HDAC9: variants seen among roughly 807,000 people sequenced by gnomAD.
The protein encoded by HDAC9 is MEF-2 interacting transcription repressor (MITR) protein.
Under a neutral mutation model 139.4 loss-of-function variants are expected in HDAC9, and 41 were observed. That is an observed-to-expected ratio of 0.29 (90% CI 0.23 to 0.38). The LOEUF (loss-of-function observed/expected upper bound fraction) is 0.38. Ranked by LOEUF, HDAC9 falls within the 10% of genes least tolerant of loss-of-function variation. HDAC9 has a pLI of 1.00. For synonymous variants in HDAC9, 517 were observed against 476.2 expected (o/e 1.09, Z -1.12); for missense variants, 1,147 against 1,297.0 (o/e 0.88, Z 1.78).
intron 21 of HDAC9, among the ~76,000 whole-genome samples, chr7:18,859,850 A>ATGTGTGTGTGTGTGTGTGTG (rs1157775071): frequency 8.1e-6 from 1 of 123,418 alleles, no homozygotes; most frequent in Non-Finnish European, 1.7e-5. Flanking sequence ...ATATATATAT[A>ATGTGTGTGTGTGTGTGTGTG]TATATATATG....
intron 24 of HDAC9, among the ~76,000 whole-genome samples, chr7:18,955,411 T>G (rs1423827659): frequency 6.6e-6 from 1 of 152,150 alleles, no homozygotes; most frequent in Non-Finnish European, 1.5e-5. Context: ...CCACATGCAA[T>G]CCAATGTATG....
At chr7:18,287,720 A>G (rs1797544440), upstream of HDAC9, among the ~76,000 whole-genome samples, 1 of 152,180 alleles carries the variant, frequency 6.6e-6, no homozygotes, top group South Asian at 2.1e-4. Flanking sequence ...CTGACTCCCA[A>G]AGCCAGCTGT....
Position 18,998,880 on chromosome 7 carries a change from G to A in HDAC9, c.*2818G>A, listed in dbSNP as rs544568159. 85 of 152,192 alleles carry A rather than the reference G, an allele frequency of 5.6e-4. 2 individuals are homozygous for A. The highest frequency in any genetic ancestry group is 3.4e-3 in the Middle Eastern group (1 of 294). The allele number at this position is 152,192 out of a possible 1,614,324, so 9.4% of individuals were successfully genotyped here. ...CTAGGAATTTAATAAGCTGTCAAAC[G>A]TAGGTATAAAAAGAAGGCTTAAAAA... On this transcript the variant is annotated 3_prime_UTR_variant, in exon 26 of 26. Coordinates refer to ENST00000686413, the MANE Select transcript of HDAC9 (RefSeq NM_178425.4).
In HDAC9 at chr7:18,415,835, T is replaced by G. The variant is rs113583410; in HGVS notation, c.-41-80427T>G. Among the ~76,000 whole-genome samples, 292 of 152,338 alleles carry G rather than the reference T, an allele frequency of 1.9e-3. 2 individuals are homozygous for G. The highest frequency in any genetic ancestry group is 6.4e-3 in the African/African-American group (267 of 41,578). ...GATTTCAAGTATGGGATTACTATTG[T>G]TATATCTTTACTGTATTCTTGCTCT... On this transcript the variant is annotated intron_variant, in intron 1 of 3. Coordinates refer to the HDAC9 transcript ENST00000413509.
chr7:18,926,790 C>T (rs1487419534), intron 22 of HDAC9, among the ~76,000 whole-genome samples: 2 of 152,056 alleles, frequency 1.3e-5, no homozygotes, highest in Non-Finnish European at 2.9e-5. Context: ...TTTTAGGATA[C>T]AATTTATTCA....
intron 1 of HDAC9, among the ~76,000 whole-genome samples, chr7:18,154,826 G>A (rs1787057035): frequency 6.6e-6 from 1 of 152,160 alleles, no homozygotes; most frequent in African/African-American, 2.4e-5. Context: ...TTTGTGTTTG[G>A]CTAGCTGATC....
intron 24 of HDAC9, among the ~76,000 whole-genome samples, chr7:18,956,810 A>G (rs1783185654): frequency 6.6e-6 from 1 of 152,158 alleles, no homozygotes; most frequent in South Asian, 2.1e-4. Flanking sequence ...TACGTGACTC[A>G]ATTCAGGCCA....
intron 1 of HDAC9, among the ~76,000 whole-genome samples, chr7:18,298,918 G>A (rs990373656): frequency 1.3e-5 from 2 of 152,164 alleles, no homozygotes; most frequent in East Asian, 3.9e-4. Flanking sequence ...CGAAAACCCA[G>A]TAAGTAGGAG....
intron 12 of HDAC9, among the ~76,000 whole-genome samples, chr7:18,722,809 A>C (rs1381196058): frequency 6.6e-6 from 1 of 152,184 alleles, no homozygotes; most frequent in Non-Finnish European, 1.5e-5. Context: ...TCTCTCTTCT[A>C]TAGTCCTATT....
intron 24 of HDAC9, among the ~76,000 whole-genome samples, chr7:18,972,232 T>A (rs988663194): frequency 1.4e-4 from 21 of 152,220 alleles, no homozygotes; most frequent in African/African-American, 5.1e-4. Flanking sequence ...AATAAAACTT[T>A]CATAGCATTA....
intron 22 of HDAC9, among the ~76,000 whole-genome samples, chr7:18,879,571 C>T (rs930230222): frequency 6.6e-6 from 1 of 152,104 alleles, no homozygotes; most frequent in African/African-American, 2.4e-5. Context: ...AGAAGACTCC[C>T]TATTCAATAA....
At chr7:18,283,639 G>A (rs1466610297) in intron 2 of HDAC9, among the ~76,000 whole-genome samples, 1 of 152,082 alleles carries the variant, frequency 6.6e-6, no homozygotes, top group Non-Finnish European at 1.5e-5. Context: ...CTAAAGGTTT[G>A]CATTTCATTT....
At chr7:18,162,204 A>C (rs2128127460) in intron 1 of HDAC9, 1 of 835,006 alleles carries the variant, frequency 1.2e-6, no homozygotes, top group South Asian at 1.5e-5. Context: ...TGTATCTTAA[A>C]CACTGCATTT....
intron 1 of HDAC9, among the ~76,000 whole-genome samples, chr7:18,101,078 G>A (rs1240506425): frequency 6.6e-6 from 1 of 152,040 alleles, no homozygotes; most frequent in Non-Finnish European, 1.5e-5. Context: ...TCCTAACTTT[G>A]GGTTGTTTTC....
chr7:18,813,885 C>G (rs143712917), intron 17 of HDAC9, among the ~76,000 whole-genome samples: 97 of 152,322 alleles, frequency 6.4e-4, no homozygotes, highest in Non-Finnish European at 1.1e-3. Flanking sequence ...AGCTAGTTGT[C>G]TGGTCTATGG....
intron 1 of HDAC9, among the ~76,000 whole-genome samples, chr7:18,297,243 A>C (rs1164674131): frequency 6.6e-6 from 1 of 152,162 alleles, no homozygotes; most frequent in African/African-American, 2.4e-5. Context: ...TTATTTAAAA[A>C]CTTTTTTATT....
At chr7:18,128,386 G>T (rs1206558981) in intron 1 of HDAC9, among the ~76,000 whole-genome samples, 1 of 152,028 alleles carries the variant, frequency 6.6e-6, no homozygotes, top group Non-Finnish European at 1.5e-5. Context: ...GATGAATGTG[G>T]CTCCTTTCAT....
At chr7:18,583,718 C>T (rs1339785079) in intron 2 of HDAC9, among the ~76,000 whole-genome samples, 1 of 152,172 alleles carries the variant, frequency 6.6e-6, no homozygotes, top group Non-Finnish European at 1.5e-5. Flanking sequence ...TGCACCACTG[C>T]ACTACAGCCT....
chr7:18,313,049 G>T (rs1305950215), intron 1 of HDAC9, among the ~76,000 whole-genome samples: 1 of 152,104 alleles, frequency 6.6e-6, no homozygotes, highest in Non-Finnish European at 1.5e-5. Context: ...TTTCTTAAAT[G>T]CATGGTTACC....
Sources: gnomAD v4.1 joint callset for allele counts (sites outside exome capture counted in the v4.1 genomes callset) on GRCh38, gnomAD v4.1.1 for gene constraint, MANE v1.5 for transcripts, NCBI Gene and HGNC (gene_info 2026-07-23, HGNC 2026-07-21) for gene names.